ZFAT: variants seen among roughly 807,000 people sequenced by gnomAD.
ZFAT encodes the protein zinc finger and AT-hook domain containing.
ZFAT carries 64 observed loss-of-function variants against 117.7 expected under a neutral mutation model. The observed-to-expected ratio is 0.54, with a 90% CI of 0.44 to 0.67. The LOEUF is 0.67. Among genes scored for constraint, ZFAT ranks in the 30% least tolerant of loss-of-function variants. The pLI is 0.00. For synonymous variants in ZFAT, 679 were observed against 615.0 expected, an observed-to-expected ratio of 1.10 and a Z score of -1.54; for missense variants, 1,433 against 1,584.5, an observed-to-expected ratio of 0.90 and a Z score of 1.62.
At chr8:134,518,910 C>T (rs1311246553) in intron 13 of ZFAT, among the ~76,000 whole-genome samples, 11 of 152,138 alleles carry the variant, frequency 7.2e-5, no homozygotes, top group Non-Finnish European at 1.5e-4. Flanking sequence ...GCCCACCTTT[C>T]TCCTACCAAC....
intron 1 of ZFAT, among the ~76,000 whole-genome samples, chr8:134,664,842 A>G (rs958519346): frequency 3.3e-5 from 5 of 152,262 alleles, no homozygotes; most frequent in Non-Finnish European, 7.3e-5. Flanking sequence ...AGGTCCAATT[A>G]CTGTGCACTC....
At chr8:134,516,519 G>C (rs980857840) in intron 13 of ZFAT, among the ~76,000 whole-genome samples, 17 of 152,082 alleles carry the variant, frequency 1.1e-4, no homozygotes, top group African/African-American at 4.1e-4. Context: ...GTTTTGTTTT[G>C]TTCTGTTTTG....
intron 15 of ZFAT, among the ~76,000 whole-genome samples, chr8:134,493,968 TCC>T (rs1430901591): frequency 6.6e-6 from 1 of 152,128 alleles, no homozygotes; most frequent in Non-Finnish European, 1.5e-5. Context: ...CAGGCAGAGT[TCC>T]CCCCTCCTCA....
intron 11 of ZFAT, among the ~76,000 whole-genome samples, chr8:134,556,558 A>G (rs1289512315): frequency 6.6e-6 from 1 of 152,158 alleles, no homozygotes; most frequent in Non-Finnish European, 1.5e-5. Context: ...AAAAAAGAGG[A>G]AAATCTTAAA....
intron 13 of ZFAT, among the ~76,000 whole-genome samples, chr8:134,519,461 C>A (rs556749171): frequency 2.2e-4 from 33 of 152,248 alleles, no homozygotes; most frequent in Non-Finnish European, 4.0e-4. Flanking sequence ...TTAGCATATA[C>A]ATATTCTTAT....
intron 10 of ZFAT, among the ~76,000 whole-genome samples, chr8:134,576,184 A>G (rs1407992962): frequency 6.6e-6 from 1 of 152,240 alleles, no homozygotes; most frequent in East Asian, 1.9e-4. Context: ...AAAAAGTTAA[A>G]TCTGTATATC....
intron 12 of ZFAT, among the ~76,000 whole-genome samples, chr8:134,529,454 C>T (rs1358987772): frequency 6.6e-6 from 1 of 152,194 alleles, no homozygotes; most frequent in African/African-American, 2.4e-5. Flanking sequence ...TGGGAGAATG[C>T]TTCAAATCCA....
chr8:134,486,624 T>A (rs1027114307), intron 15 of ZFAT, among the ~76,000 whole-genome samples: 8 of 152,136 alleles, frequency 5.3e-5, no homozygotes, highest in Admixed American at 5.2e-4. Context: ...GTTCTCAGGA[T>A]CAGTTCTCAG....
At chr8:134,778,665 T>C in the ZFAT span, among the ~76,000 whole-genome samples, 7 of 152,102 alleles carry the variant, frequency 4.6e-5, no homozygotes, top group Non-Finnish European at 7.3e-5. Context: ...AAGTCTATGA[T>C]AGAGGAATGA....
intron 11 of ZFAT, among the ~76,000 whole-genome samples, chr8:134,546,936 G>T (rs181678375): frequency 6.6e-6 from 1 of 152,298 alleles, no homozygotes; most frequent in African/African-American, 2.4e-5. Context: ...TTCTTTTAAC[G>T]TGCATTTGGA....
chr8:134,593,726 A>C (rs1032696399), intron 7 of ZFAT, among the ~76,000 whole-genome samples: 4 of 152,096 alleles, frequency 2.6e-5, no homozygotes, highest in African/African-American at 9.7e-5. Flanking sequence ...TGCTTTAAAA[A>C]ACAAAGGTGG....
rs183428343 is a variant in ZFAT at position 134,651,696 on chromosome 8, C to T, written c.196+5865G>A. 1.3e-3 allele frequency among the ~76,000 whole-genome samples: 203 copies of T among 152,164 alleles called. 4 individuals are homozygous for T. The East Asian group carries it at 0.032, about 24-fold the overall frequency. Reference sequence around the variant, plus strand: ...GAAGGACTAGCAAATATTTAAGTCACAGAAAGATAATGAAGCAGAGGCAAT... The same window carrying T: ...GAAGGACTAGCAAATATTTAAGTCATAGAAAGATAATGAAGCAGAGGCAAT... On this transcript the variant is annotated intron_variant, in intron 2 of 15. Coordinates refer to ENST00000377838, the MANE Select transcript of ZFAT (RefSeq NM_020863.4).
At chr8:134,559,565 G>A (rs749606139) in intron 11 of ZFAT, among the ~76,000 whole-genome samples, 5 of 152,276 alleles carry the variant, frequency 3.3e-5, no homozygotes, top group Admixed American at 1.3e-4. Context: ...GTGGTGAGTC[G>A]AAGAACACAT....
chr8:134,702,957 C>T (rs950879449), intron 1 of ZFAT, among the ~76,000 whole-genome samples: 1 of 152,230 alleles, frequency 6.6e-6, no homozygotes, highest in Non-Finnish European at 1.5e-5. Flanking sequence ...AGGCGTGAGC[C>T]ACCGCACCCA....
rs1235492457 is a variant in ZFAT, at chr8:134,630,142, AGCAGGCAG to A, written c.448+7311_448+7318del. Among the ~76,000 whole-genome samples, 19 of 152,340 alleles carry A rather than the reference AGCAGGCAG, an allele frequency of 1.2e-4. No individual in the cohort carries two copies. The East Asian group carries it at 3.7e-3, about 29-fold the overall frequency. ...TAGGCAGAAGAGGGGCCACTCACAG[AGCAGGCAG>A]GCAGGAGCAGTGGCATGAACTGGGC... On this transcript the variant is annotated intron_variant, in intron 3 of 15. Transcript: ENST00000377838.
intron 11 of ZFAT, among the ~76,000 whole-genome samples, chr8:134,553,848 G>T (rs1414926409): frequency 3.3e-5 from 5 of 152,176 alleles, no homozygotes; most frequent in Non-Finnish European, 7.3e-5. Context: ...AGGCCACCCA[G>T]GCAGTAAGTG....
At chr8:134,556,241 T>C (rs749675187) in intron 11 of ZFAT, among the ~76,000 whole-genome samples, 1 of 152,054 alleles carries the variant, frequency 6.6e-6, no homozygotes, top group Non-Finnish European at 1.5e-5. Context: ...ATAGAAATCA[T>C]ACAAACTATA....
At chr8:134,779,295 A>G in the ZFAT span, among the ~76,000 whole-genome samples, 8 of 151,838 alleles carry the variant, frequency 5.3e-5, no homozygotes, top group Non-Finnish European at 1.0e-4. Context: ...CTGTTTTAAC[A>G]ATACAGACTA....
At chr8:134,541,784 A>C (rs1040207687) in intron 11 of ZFAT, among the ~76,000 whole-genome samples, 3 of 152,236 alleles carry the variant, frequency 2.0e-5, no homozygotes, top group Non-Finnish European at 4.4e-5. Context: ...ATAAAAATTA[A>C]ATGCCAAATC....
Sources: gnomAD v4.1 joint callset for allele counts (sites outside exome capture counted in the v4.1 genomes callset) on GRCh38, gnomAD v4.1.1 for gene constraint, MANE v1.5 for transcripts, NCBI Gene and HGNC (gene_info 2026-07-23, HGNC 2026-07-21) for gene names.